OSBPL6: variants seen among roughly 807,000 people sequenced by gnomAD.
OSBPL6 encodes oxysterol-binding protein-related protein 6.
A neutral mutation model predicts 125.8 loss-of-function variants in OSBPL6; 49 were observed. That is an observed-to-expected ratio of 0.39 (90% CI 0.31 to 0.49). The LOEUF is 0.49. Ranked by LOEUF, OSBPL6 falls within the 20% of genes least tolerant of loss-of-function variation. The pLI is 0.88. For synonymous variants in OSBPL6, 394 were observed against 391.8 expected (o/e 1.01, Z -0.07); for missense variants, 986 against 1,135.4 (o/e 0.87, Z 1.89).
chr2:178,276,482 C>T (rs777824346), intron 1 of OSBPL6, among the ~76,000 whole-genome samples: 1 of 150,952 alleles, frequency 6.6e-6, no homozygotes. Context: ...AAGTGATTCT[C>T]CTGCCTCAGC....
intron 9 of OSBPL6, among the ~76,000 whole-genome samples, chr2:178,337,949 C>CTTTTTTTT (rs755944128): frequency 1.4e-5 from 2 of 139,150 alleles, no homozygotes; most frequent in Admixed American, 7.8e-5. Flanking sequence ...TCAGTATTCT[C>CTTTTTTTT]TTTTTTTTTT....
chr2:178,201,015 T>C (rs189231000), intron 1 of OSBPL6, among the ~76,000 whole-genome samples: 2,048 of 152,074 alleles, frequency 0.013, 51 homozygotes, highest in East Asian at 0.079. Flanking sequence ...AGGATGGTCT[T>C]GATCTCCTGA....
In OSBPL6 at chr2:178,359,960, G is replaced by T. The variant is rs1410782577; in HGVS notation, c.1154-1722G>T. Among the ~76,000 whole-genome samples the T allele has an allele frequency of 2.0e-5, 3 of 152,146 alleles. No homozygotes were observed. The South Asian group carries it at 6.2e-4, about 32-fold the overall frequency. ...AAATTAGTCAGGCGTGGTGGTGCCT[G>T]CCTGTAATCCCAGCTACTTAAGAGG... On this transcript the variant is annotated intron_variant, in intron 12 of 24. Transcript: ENST00000190611.
Position 178,336,450 on chromosome 2 carries a change from T to C in OSBPL6, c.790+17T>C. 6.2e-7 allele frequency: 1 copy of C among 1,612,342 alleles called. No individual in the cohort carries two copies. The highest frequency in any genetic ancestry group is 1.7e-5 in the Admixed American group (1 of 59,686). Reference sequence around the variant, plus strand: ...GTGCAGAAGGTTAGTTCTTGCCCAGTGTGGCCTGAGAGTAAGCCAAAACCA... The same window carrying C: ...GTGCAGAAGGTTAGTTCTTGCCCAGCGTGGCCTGAGAGTAAGCCAAAACCA... On this transcript the variant is annotated intron_variant, in intron 9 of 24. Transcript: ENST00000190611.
chr2:178,382,677 G>T (rs1247145415), intron 16 of OSBPL6, 170 bp downstream of exon 16: 3 of 1,469,930 alleles, frequency 2.0e-6, no homozygotes, highest in African/African-American at 2.9e-5. Flanking sequence ...GAGGTAAATG[G>T]TTGAAAAAAT....
chr2:178,365,194 A>T (rs901301356), intron 13 of OSBPL6, among the ~76,000 whole-genome samples: 4 of 152,152 alleles, frequency 2.6e-5, no homozygotes, highest in South Asian at 4.1e-4. Flanking sequence ...AATAAATAAA[A>T]AACTTATTTA....
In OSBPL6 at chr2:178,349,302, A is replaced by C. The variant is rs371144463; in HGVS notation, c.1066A>C (p.Thr356Pro). The C allele has an allele frequency of 2.5e-6, 4 of 1,613,852 alleles. No homozygotes were observed. Among genetic ancestry groups the C allele is most frequent in the South Asian group, 1.1e-5 (1 of 91,068 alleles). The change falls in exon 12 of 25, where the codon ACT (threonine) becomes CCT (proline). Residue 356 changes from threonine to proline, a missense_variant. Physicochemically the swap from Thr to Pro is conservative, Grantham distance 38. Around this residue, in one of 3 missense-constraint regions of OSBPL6, gnomAD observed 843 missense variants for 997.3 expected, o/e 0.85. Coordinates refer to ENST00000190611, the MANE Select transcript of OSBPL6 (RefSeq NM_032523.4). The part of the protein sequence containing the change: ...PNLCADIEFQ[T>P]PPSHLTDPLE... ...CCTTTGTGCAGATATTGAATTTCAG[A>C]CTCCCCCTAGCCACCTCACTGACCC... is the stretch of plus-strand genomic sequence containing the variant.
At chr2:178,200,321 G>A (rs940729772) in intron 1 of OSBPL6, among the ~76,000 whole-genome samples, 8 of 141,676 alleles carry the variant, frequency 5.6e-5, no homozygotes, top group South Asian at 2.2e-4. Flanking sequence ...GTGCAATCTC[G>A]GCTCACTGCA....
intron 1 of OSBPL6, among the ~76,000 whole-genome samples, chr2:178,236,761 T>G (rs1362026807): frequency 6.6e-6 from 1 of 152,190 alleles, no homozygotes; most frequent in African/African-American, 2.4e-5. Context: ...TGTCTTAACC[T>G]TCATGATAAT....
chr2:178,309,998 A>C (rs1687121297), intron 3 of OSBPL6, among the ~76,000 whole-genome samples: 1 of 152,268 alleles, frequency 6.6e-6, no homozygotes, highest in Admixed American at 6.5e-5. Flanking sequence ...AAGGACACCG[A>C]TAAGTCCCGA....
intron 1 of OSBPL6, among the ~76,000 whole-genome samples, chr2:178,225,143 T>C (rs1202006481): frequency 6.6e-6 from 1 of 151,356 alleles, no homozygotes; most frequent in Non-Finnish European, 1.5e-5. Flanking sequence ...TGAATGCAGA[T>C]GCTAATAGGC....
intron 1 of OSBPL6, among the ~76,000 whole-genome samples, chr2:178,243,119 T>A (rs2091355233): frequency 6.6e-6 from 1 of 152,156 alleles, no homozygotes; most frequent in African/African-American, 2.4e-5. Flanking sequence ...ATTCTCAGTA[T>A]GTAATTTGCT....
At chr2:178,246,473 A>G (rs1418087773) in intron 1 of OSBPL6, among the ~76,000 whole-genome samples, 1 of 152,092 alleles carries the variant, frequency 6.6e-6, no homozygotes, top group East Asian at 1.9e-4. Flanking sequence ...TGGTGTGAGA[A>G]CTGAGTTACC....
chr2:178,393,687 A>G (rs1695603364), intron 23 of OSBPL6, among the ~76,000 whole-genome samples: 1 of 152,222 alleles, frequency 6.6e-6, no homozygotes, highest in South Asian at 2.1e-4. Flanking sequence ...AAGCATTTGT[A>G]AGTCACCATT....
intron 12 of OSBPL6, among the ~76,000 whole-genome samples, chr2:178,352,662 A>G (rs1691385148): frequency 6.6e-6 from 1 of 152,222 alleles, no homozygotes; most frequent in African/African-American, 2.4e-5. Context: ...TGGTCAGGGC[A>G]TAGTTGAAAA....
chr2:178,374,293 A>G (rs1474920628), intron 15 of OSBPL6, among the ~76,000 whole-genome samples: 1 of 152,208 alleles, frequency 6.6e-6, no homozygotes. Flanking sequence ...GTCTTCTATG[A>G]TTCCTATTTC....
At chr2:178,208,905 C>T (rs1574486388) in intron 1 of OSBPL6, among the ~76,000 whole-genome samples, 1 of 128,268 alleles carries the variant, frequency 7.8e-6, no homozygotes, top group Non-Finnish European at 1.7e-5. Flanking sequence ...TTACACTATT[C>T]TCATTCTTGA....
intron 3 of OSBPL6, among the ~76,000 whole-genome samples, chr2:178,320,971 A>G (rs934392474): frequency 6.6e-6 from 1 of 152,166 alleles, no homozygotes; most frequent in African/African-American, 2.4e-5. Flanking sequence ...CATCCTGGCC[A>G]ACATTGTGAA....
At chr2:178,322,921 A>T (rs79818193) in intron 3 of OSBPL6, among the ~76,000 whole-genome samples, 7 of 35,380 alleles carry the variant, frequency 2.0e-4, no homozygotes, top group African/African-American at 2.4e-4. Flanking sequence ...TGCATTTAAA[A>T]AAAAAAAAAA....
Sources: allele counts gnomAD v4.1 joint callset (sites outside exome capture counted in the v4.1 genomes callset), GRCh38; gene constraint gnomAD v4.1.1; regional missense constraint gnomAD v4.1.1; transcripts MANE v1.5; gene names NCBI Gene and HGNC (gene_info 2026-07-23, HGNC 2026-07-21).